Variants in ATP9B observed in about 807,000 individuals in gnomAD.
ATP9B encodes the protein probable phospholipid-transporting ATPase IIB.
Under a neutral mutation model 146.1 loss-of-function variants are expected in ATP9B, and 110 were observed. The ratio of observed to expected loss-of-function variants is 0.75; its 90% CI spans 0.65 to 0.88. The LOEUF is 0.88. Ranked by LOEUF, ATP9B falls within the 40% of genes least tolerant of loss-of-function variation. The probability of loss-of-function intolerance (pLI) is 0.00; values close to 1 mark genes in which losing one functional copy is unlikely to be tolerated. For synonymous variants in ATP9B, 604 were observed against 569.7 expected, an observed-to-expected ratio of 1.06 and a Z score of -0.86; for missense variants, 1,499 against 1,496.4, an observed-to-expected ratio of 1.00 and a Z score of -0.03.
chr18:79,143,534 TG>T (rs2094539797), intron 5 of ATP9B, among the ~76,000 whole-genome samples: 2 of 152,198 alleles, frequency 1.3e-5, no homozygotes, highest in Admixed American at 1.3e-4. Flanking sequence ...TTACAAAACA[TG>T]GGAATAATCT....
intron 11 of ATP9B, among the ~76,000 whole-genome samples, chr18:79,218,864 C>T (rs2095653016): frequency 6.6e-6 from 1 of 152,224 alleles, no homozygotes; most frequent in South Asian, 2.1e-4. Context: ...GGGAGTTGCA[C>T]TTCTAGCTCG....
chr18:79,369,069 C>T (rs2097053152), intron 26 of ATP9B, among the ~76,000 whole-genome samples: 1 of 152,138 alleles, frequency 6.6e-6, no homozygotes, highest in Non-Finnish European at 1.5e-5. Flanking sequence ...GATCTTTCTA[C>T]TCCACACTCC....
intron 6 of ATP9B, 188 bp downstream of exon 6, chr18:79,144,048 C>T (rs1402457178): frequency 2.4e-6 from 1 of 422,566 alleles, no homozygotes; most frequent in Non-Finnish European, 4.2e-6. Flanking sequence ...AAGTATATTT[C>T]AGTGTGTGCA....
At chr18:79,106,492 A>T (rs1391048755) in intron 2 of ATP9B, among the ~76,000 whole-genome samples, 1 of 152,184 alleles carries the variant, frequency 6.6e-6, no homozygotes, top group Non-Finnish European at 1.5e-5. Context: ...TTCTGGCTGC[A>T]TGATCCAGGG....
intron 1 of ATP9B, among the ~76,000 whole-genome samples, chr18:79,077,498 C>T (rs1027372303): frequency 4.6e-5 from 7 of 152,156 alleles, no homozygotes; most frequent in African/African-American, 1.2e-4. Context: ...GTTAGATTTT[C>T]CACTTTTCAC....
intron 5 of ATP9B, among the ~76,000 whole-genome samples, chr18:79,143,040 A>G (rs939664829): frequency 6.6e-6 from 1 of 152,120 alleles, no homozygotes; most frequent in Non-Finnish European, 1.5e-5. Flanking sequence ...TGAGACAGGG[A>G]GAGAGTGAGG....
intron 12 of ATP9B, among the ~76,000 whole-genome samples, chr18:79,268,474 C>G (rs2096225451): frequency 6.6e-6 from 1 of 151,960 alleles, no homozygotes; most frequent in African/African-American, 2.4e-5. Context: ...ACTTTTTTCT[C>G]CAGCAGTTTA....
intron 26 of ATP9B, among the ~76,000 whole-genome samples, chr18:79,369,101 C>T (rs1391648686): frequency 1.3e-5 from 2 of 152,190 alleles, no homozygotes; most frequent in African/African-American, 4.8e-5. Flanking sequence ...CAAATAATTA[C>T]AATTATGGGA....
chr18:79,168,300 A>G (rs901775724), intron 7 of ATP9B, among the ~76,000 whole-genome samples: 2 of 152,200 alleles, frequency 1.3e-5, no homozygotes, highest in African/African-American at 2.4e-5. Context: ...TAGATTTCCT[A>G]GAGTTCAGCC....
chr18:79,355,973 G>T (rs547319271), intron 25 of ATP9B, among the ~76,000 whole-genome samples: 1 of 152,180 alleles, frequency 6.6e-6, no homozygotes. Context: ...AGCCAGTGAC[G>T]GCCGCTTCCG....
intron 11 of ATP9B, among the ~76,000 whole-genome samples, chr18:79,246,635 A>G (rs1013690457): frequency 6.6e-6 from 1 of 152,272 alleles, no homozygotes; most frequent in East Asian, 1.9e-4. Context: ...TGGTTGGGTT[A>G]GAAATGGCTG....
chr18:79,119,308 A>G (rs2094148682), intron 4 of ATP9B, among the ~76,000 whole-genome samples: 1 of 152,206 alleles, frequency 6.6e-6, no homozygotes, highest in African/African-American at 2.4e-5. Flanking sequence ...TCTTGGCCAT[A>G]CTTGAGTGAA....
At chr18:79,264,986 G>T (rs1440079783) in intron 12 of ATP9B, among the ~76,000 whole-genome samples, 1 of 152,164 alleles carries the variant, frequency 6.6e-6, no homozygotes, top group Non-Finnish European at 1.5e-5. Flanking sequence ...ATGGGGGTTT[G>T]TTGTACAGAT....
chr18:79,103,088 T>C (rs1203048235), intron 2 of ATP9B, among the ~76,000 whole-genome samples: 2 of 152,210 alleles, frequency 1.3e-5, no homozygotes, highest in African/African-American at 2.4e-5. Flanking sequence ...TCTTCCGTTA[T>C]GGTCTGTGTG....
chr18:79,149,230 G>T (rs1047708926), intron 6 of ATP9B, among the ~76,000 whole-genome samples: 2 of 151,964 alleles, frequency 1.3e-5, no homozygotes, highest in Non-Finnish European at 2.9e-5. Flanking sequence ...ACTTTGACAA[G>T]GAAAATAAAG....
At chr18:79,223,227 GAAATATC>G (rs947768161) in intron 11 of ATP9B, among the ~76,000 whole-genome samples, 2 of 152,098 alleles carry the variant, frequency 1.3e-5, no homozygotes, top group African/African-American at 4.8e-5. Context: ...TTTGCAACTT[GAAATATC>G]AAAGCAGTTT....
chr18:79,325,956 T>C (rs866148601), intron 15 of ATP9B, among the ~76,000 whole-genome samples: 2,283 of 125,202 alleles, frequency 0.018, 4 homozygotes, highest in African/African-American at 0.046. Flanking sequence ...TAGGGTGTCA[T>C]CTCTGTACCC....
At chr18:79,220,174 G>A (rs2095664529) in intron 11 of ATP9B, among the ~76,000 whole-genome samples, 1 of 152,226 alleles carries the variant, frequency 6.6e-6, no homozygotes, top group African/African-American at 2.4e-5. Context: ...TGGAAGCAAA[G>A]TAGTTATTGG....
chr18:79,345,413 G>T lies in ATP9B; in HGVS notation c.2473-15G>T. 1 of 1,612,250 alleles carries T rather than the reference G, an allele frequency of 6.2e-7. No individual in the cohort carries two copies. On this transcript the variant is annotated splice_polypyrimidine_tract_variant and intron_variant, in intron 21 of 29. Coordinates refer to ENST00000426216, the MANE Select transcript of ATP9B (RefSeq NM_198531.5). Reference sequence around the variant, plus strand: ...GTCGACCATAAGGCAAAATAACACAGGCTTTGTTTTCCAGGTTTGTCTAAA... The same window carrying T: ...GTCGACCATAAGGCAAAATAACACATGCTTTGTTTTCCAGGTTTGTCTAAA...
Sources: gnomAD v4.1 joint callset for allele counts (sites outside exome capture counted in the v4.1 genomes callset) on GRCh38, gnomAD v4.1.1 for gene constraint, MANE v1.5 for transcripts, NCBI Gene and HGNC (gene_info 2026-07-23, HGNC 2026-07-21) for gene names.